COL16A1: variants seen among roughly 807,000 people sequenced by gnomAD.
The protein encoded by COL16A1 is collagen type XVI alpha 1 chain.
Under a neutral mutation model 266.3 loss-of-function variants are expected in COL16A1, and 189 were observed. The ratio of observed to expected loss-of-function variants is 0.71; its 90% CI spans 0.63 to 0.80. COL16A1 has a LOEUF of 0.80. COL16A1 is among the 30% of genes least tolerant of loss of function. The pLI is 0.00. For synonymous variants in COL16A1, 740 were observed against 782.3 expected, an observed-to-expected ratio of 0.95 and a Z score of 0.90; for missense variants, 1,928 against 2,122.4, an observed-to-expected ratio of 0.91 and a Z score of 1.80.
chr1:31,665,803 G>A (rs1050700279), intron 54 of COL16A1, 79 bp downstream of exon 54: 1 of 1,607,728 alleles, frequency 6.2e-7, no homozygotes, highest in Non-Finnish European at 8.5e-7. Context: ...CAGGTAGGGT[G>A]GGGAGACTAG....
intron 22 of COL16A1, 120 bp downstream of exon 22, chr1:31,690,247 G>A: frequency 2.0e-6 from 3 of 1,469,128 alleles, no homozygotes; most frequent in Non-Finnish European, 2.8e-6. Context: ...GGAAGAACGG[G>A]TGGGGGTCCC....
At chr1:31,674,440 C>T (rs552605944) in intron 44 of COL16A1, among the ~76,000 whole-genome samples, 2 of 152,354 alleles carry the variant, frequency 1.3e-5, no homozygotes, top group South Asian at 4.1e-4. Flanking sequence ...GGGAAGCCGG[C>T]CCAGGCCACA....
chr1:31,672,917 G>T, intron 44 of COL16A1, 77 bp from the exon 45 acceptor site: 1 of 1,378,256 alleles, frequency 7.3e-7, no homozygotes, highest in South Asian at 1.2e-5. Flanking sequence ...GCCCCAGTGA[G>T]AACCCAGAGC....
intron 66 of COL16A1, chr1:31,655,754 G>GGCAT: frequency 1.8e-6 from 1 of 557,372 alleles, no homozygotes; most frequent in Non-Finnish European, 3.0e-6. Flanking sequence ...TCGTTGGCCG[G>GGCAT]GCATGCAAGG....
At chr1:31,681,669 C>T (rs1643651447) in intron 37 of COL16A1, among the ~76,000 whole-genome samples, 1 of 152,248 alleles carries the variant, frequency 6.6e-6, no homozygotes, top group South Asian at 2.1e-4. Context: ...AAAAGGAAAG[C>T]AGTTTGGGCA....
rs750715162 is a variant in COL16A1 at position 31,668,203 on chromosome 1, G to C, written c.3265C>G (p.Pro1089Ala). ...DKGEPGPPGQ[P>A]GYPGATGPPG... ...GGGCCCGTGGCACCTGGGTAACCTG[G>C]TTGCCCTGGAGGACCCTGCAAAGAA... Residue 1089 changes from proline to alanine, a missense_variant, in exon 51 of 71, where the codon CCA becomes GCA. Around this residue, in one of 2 missense-constraint regions of COL16A1, gnomAD observed 1,552 missense variants for 1,637.2 expected, o/e 0.95. Transcript: ENST00000373672. The surrounding 1 kb of genome is among the most constrained non-coding windows in gnomAD (Gnocchi z 5.8). The C allele has an allele frequency of 6.2e-7, 1 of 1,613,376 alleles. No individual in the cohort carries two copies. Among genetic ancestry groups the C allele is most frequent in the Non-Finnish European group, 8.5e-7 (1 of 1,179,618 alleles).
chr1:31,691,697 C>T, intron 17 of COL16A1, 55 bp from the exon 18 acceptor site: 2 of 1,580,130 alleles, frequency 1.3e-6, no homozygotes, highest in African/African-American at 1.3e-5. Flanking sequence ...TGGCACCGCC[C>T]CACTGGGAGA....
chr1:31,661,093 A>T lies in COL16A1; in HGVS notation c.3798T>A (p.Pro1266=). The T allele has an allele frequency of 6.4e-7, 1 of 1,566,056 alleles. No homozygotes were observed. The highest frequency in any genetic ancestry group is 8.7e-7 in the Non-Finnish European group (1 of 1,154,264). The change falls in exon 61 of 71, where the codon CCT becomes CCA. Residue 1266 remains proline (P), a synonymous_variant. Coordinates refer to ENST00000373672, the MANE Select transcript of COL16A1 (RefSeq NM_001856.4). ...PKGDCGKPGP[P]GSTGRPGAEG... ...CTGCGCCAGGCCGGCCAGTGCTGCC[A>T]GGGGGACCTGGTTTGCCACAGTCAC...
At chr1:31,693,358 C>A in intron 12 of COL16A1, 1 of 595,330 alleles carries the variant, frequency 1.7e-6, no homozygotes, top group Non-Finnish European at 3.0e-6. Context: ...CACATGCCCT[C>A]CCACCCCAAG....
At chr1:31,689,467 G>A (rs1004355664) in intron 23 of COL16A1, 1 of 566,320 alleles carries the variant, frequency 1.8e-6, no homozygotes, top group Non-Finnish European at 3.2e-6. Context: ...TCACAGTAAG[G>A]GTGGGCTCCA....
intron 42 of COL16A1, among the ~76,000 whole-genome samples, chr1:31,678,087 C>T (rs1643333191): frequency 6.6e-6 from 1 of 151,782 alleles, no homozygotes; most frequent in Admixed American, 6.6e-5. Flanking sequence ...TCAGCACTTC[C>T]AATAGGGTAG....
intron 4 of COL16A1, among the ~76,000 whole-genome samples, chr1:31,699,385 T>C (rs916550997): frequency 6.6e-6 from 1 of 152,110 alleles, no homozygotes; most frequent in South Asian, 2.1e-4. Flanking sequence ...CAGCAAGAGA[T>C]AAAAAAGAGC....
chr1:31,698,318 A>AGCTATAGCTATACCT lies in COL16A1; in HGVS notation c.391-147_391-146insAGGTATAGCTATAGC. ...AAGCCGGCTGGGGTCAAGGAGCTATACATCCTGAAAGAATGAGGTAGGTAC... is the reference window on the plus strand; with the variant it reads ...AAGCCGGCTGGGGTCAAGGAGCTATAGCTATAGCTATACCTCATCCTGAAAGAATGAGGTAGGTAC... On this transcript the variant is annotated intron_variant, in intron 5 of 70. Coordinates refer to ENST00000373672, the MANE Select transcript of COL16A1 (RefSeq NM_001856.4). The surrounding 1 kb of genome is among the most constrained non-coding windows in gnomAD (Gnocchi z 4.1). 1.3e-6 allele frequency: 2 copies of AGCTATAGCTATACCT among 1,532,980 alleles called. No individual in the cohort carries two copies. The highest frequency in any genetic ancestry group is 1.8e-6 in the Non-Finnish European group (2 of 1,140,276). 95.0% of individuals were successfully genotyped at this position (1,532,980 alleles called of 1,614,324 possible). A position where few individuals can be genotyped will look rare whatever the true frequency, so the allele number is the denominator to read the frequency against.
intron 26 of COL16A1, 132 bp from the exon 27 acceptor site, chr1:31,686,411 G>A (rs1383400807): frequency 3.9e-6 from 5 of 1,294,968 alleles, no homozygotes; most frequent in Non-Finnish European, 5.5e-6. Context: ...AGAGGAAGAG[G>A]GCTTTCTCCA....
intron 20 of COL16A1, 83 bp from the exon 21 acceptor site, chr1:31,690,656 C>A (rs1040689860): frequency 1.3e-6 from 2 of 1,551,836 alleles, no homozygotes; most frequent in Non-Finnish European, 1.7e-6. Context: ...CCGTGCCCCT[C>A]TGTGATGGCA....
intron 66 of COL16A1, chr1:31,655,745 C>G (rs544826639): frequency 1.6e-6 from 1 of 621,424 alleles, no homozygotes; most frequent in South Asian, 2.4e-5. Flanking sequence ...AGCACTCATT[C>G]GTTGGCCGGG....
chr1:31,689,585 C>T (rs964816856), intron 23 of COL16A1, 156 bp downstream of exon 23: 1 of 662,576 alleles, frequency 1.5e-6, no homozygotes, highest in Non-Finnish European at 2.7e-6. Context: ...ATGGTTCAGA[C>T]CCCTTACCAC....
rs1195373333 is a variant in COL16A1, at chr1:31,657,375, A to G, written c.4021-307T>C. 4.6e-6 allele frequency: 2 copies of G among 439,166 alleles called. No individual in the cohort carries two copies. The highest frequency in any genetic ancestry group is 8.3e-6 in the Non-Finnish European group (2 of 241,780). 27.2% of individuals were successfully genotyped at this position (439,166 alleles called of 1,614,324 possible). The stretch of plus-strand genomic sequence containing the variant: ...CACCTTGCACACTCCCTGGCTCTGA[A>G]TCTATGTTAAACGTTTGCTGAATGA... On this transcript the variant is annotated intron_variant, in intron 64 of 70. Coordinates refer to ENST00000373672, the MANE Select transcript of COL16A1 (RefSeq NM_001856.4). This position sits in a 1 kb window ranked among gnomAD's most constrained non-coding sequence, Gnocchi z 6.4.
chr1:31,699,913 G>T lies in COL16A1; in HGVS notation c.166C>A (p.Arg56=), dbSNP rs779624978. ...ANVTGFNLIH[R]LSLMKTSAIK... ...GCAGACGTCTTCATGAGGCTGAGTC[G>T]GTGGATGAGGTTGAAGCCTTTGGGG... Residue 56 remains arginine, a synonymous_variant, in exon 4 of 71, where the codon CGA becomes AGA. Coordinates refer to ENST00000373672, the MANE Select transcript of COL16A1 (RefSeq NM_001856.4). 1 of 1,612,940 alleles carries T rather than the reference G, an allele frequency of 6.2e-7. No homozygotes were observed.
Sources: gnomAD v4.1 joint callset for allele counts (sites outside exome capture counted in the v4.1 genomes callset) on GRCh38, gnomAD v4.1.1 for gene constraint, gnomAD v4.1.1 regional missense constraint, Gnocchi (gnomAD v3.1) non-coding constraint, MANE v1.5 for transcripts, NCBI Gene and HGNC (gene_info 2026-07-23, HGNC 2026-07-21) for gene names.